NAV2: variants seen among roughly 807,000 people sequenced by gnomAD.
NAV2 encodes the protein helicase, APC down-regulated 1.
In NAV2, 54 loss-of-function variants were observed where a neutral mutation model predicts 223.2. The observed-to-expected ratio is 0.24, with a 90% CI of 0.19 to 0.30. The LOEUF is 0.30. Among genes scored for constraint, NAV2 ranks in the 10% least tolerant of loss-of-function variants. The pLI is 1.00. For missense variants in NAV2, 2,806 were observed against 3,147.5 expected, an observed-to-expected ratio of 0.89 and a Z score of 2.60; for synonymous variants, 1,279 against 1,239.3, an observed-to-expected ratio of 1.03 and a Z score of -0.67.
At position 20,093,208 on chromosome 11, in the gene NAV2, G is replaced by T. The variant is rs777976590; in HGVS notation, c.5916+9G>T. ...AAATGAAGTGGAAGGAGGTTAGTTG[G>T]ATCCCTTTCCCTGCTTTGCCTGTCC... On this transcript the variant is annotated intron_variant, in intron 29 of 37. Coordinates refer to ENST00000349880, the MANE Select transcript of NAV2 (RefSeq NM_145117.5). 1 of 1,591,734 alleles carries T rather than the reference G, an allele frequency of 6.3e-7. No homozygotes were observed.
intron 1 of NAV2, among the ~76,000 whole-genome samples, chr11:19,486,482 C>T (rs1046027783): frequency 2.3e-4 from 35 of 152,088 alleles, no homozygotes; most frequent in African/African-American, 7.5e-4. Flanking sequence ...ATCACGGGGG[C>T]GGTTACTCTC....
chr11:19,952,033 C>T (rs1210431211), intron 10 of NAV2, among the ~76,000 whole-genome samples: 1 of 152,194 alleles, frequency 6.6e-6, no homozygotes, highest in African/African-American at 2.4e-5. Context: ...AGCATGTATC[C>T]ACTCTGTGGA....
intron 1 of NAV2, among the ~76,000 whole-genome samples, chr11:19,732,272 A>G (rs1252604622): frequency 6.6e-6 from 1 of 151,808 alleles, no homozygotes; most frequent in African/African-American, 2.4e-5. Context: ...AAAAAAAAAA[A>G]AAGAGTATGG....
At chr11:19,814,444 A>G (rs1235989848) in intron 1 of NAV2, among the ~76,000 whole-genome samples, 1 of 152,150 alleles carries the variant, frequency 6.6e-6, no homozygotes, top group African/African-American at 2.4e-5. Context: ...ATCTGTACCC[A>G]TGGCTTTCCA....
At chr11:20,092,405 C>T (rs2060913298) in intron 28 of NAV2, 37 bp downstream of exon 28, 2 of 1,581,624 alleles carry the variant, frequency 1.3e-6, no homozygotes, top group Non-Finnish European at 1.7e-6. Flanking sequence ...AGGAATGGAC[C>T]TACAGCTGGC....
intron 1 of NAV2, among the ~76,000 whole-genome samples, chr11:19,585,056 G>T (rs886839166): frequency 1.3e-5 from 2 of 152,088 alleles, no homozygotes; most frequent in Admixed American, 6.6e-5. Flanking sequence ...CATGAATCTG[G>T]GTGCTCCTAT....
At chr11:19,505,104 T>G (rs2043083914) in intron 1 of NAV2, 1 of 152,252 alleles carries the variant, frequency 6.6e-6, no homozygotes. Context: ...CTGTCACAAA[T>G]GGCAAAAGCA....
intron 1 of NAV2, among the ~76,000 whole-genome samples, chr11:19,678,175 T>C (rs1434395606): frequency 1.3e-5 from 2 of 152,152 alleles, no homozygotes; most frequent in Non-Finnish European, 2.9e-5. Flanking sequence ...ATAATAAGGA[T>C]GATAAGAAGA....
At chr11:19,412,451 C>T (rs1850185557) in intron 1 of NAV2, among the ~76,000 whole-genome samples, 1 of 152,198 alleles carries the variant, frequency 6.6e-6, no homozygotes, top group Non-Finnish European at 1.5e-5. Context: ...ACTCCCATCT[C>T]CCTGGGACAG....
intron 32 of NAV2, among the ~76,000 whole-genome samples, chr11:20,102,141 C>T (rs1220480926): frequency 6.6e-6 from 1 of 152,130 alleles, no homozygotes; most frequent in Non-Finnish European, 1.5e-5. Flanking sequence ...TAGGGAACTT[C>T]TCCTGGGACC....
intron 1 of NAV2, among the ~76,000 whole-genome samples, chr11:19,743,396 G>T (rs1307445239): frequency 6.6e-6 from 1 of 152,192 alleles, no homozygotes; most frequent in Non-Finnish European, 1.5e-5. Context: ...CTCCCTCTTT[G>T]CTGGCCCAGG....
chr11:19,615,494 C>T (rs2046765218), intron 1 of NAV2, among the ~76,000 whole-genome samples: 2 of 151,674 alleles, frequency 1.3e-5, no homozygotes. Flanking sequence ...AAATGCATTT[C>T]GTATATGTAT....
intron 1 of NAV2, among the ~76,000 whole-genome samples, chr11:19,452,309 T>A (rs888100416): frequency 2.6e-5 from 4 of 152,196 alleles, no homozygotes; most frequent in African/African-American, 9.7e-5. Flanking sequence ...AGGTATCATG[T>A]TGGGCCCTGA....
intron 11 of NAV2, among the ~76,000 whole-genome samples, chr11:19,993,480 T>C (rs2051544660): frequency 6.6e-6 from 1 of 152,220 alleles, no homozygotes; most frequent in Non-Finnish European, 1.5e-5. Context: ...AGTTATACCA[T>C]ATGCCTGCAA....
chr11:19,443,550 A>C (rs1449188473), intron 1 of NAV2, among the ~76,000 whole-genome samples: 1 of 152,202 alleles, frequency 6.6e-6, no homozygotes, highest in Non-Finnish European at 1.5e-5. Flanking sequence ...GTGGTAAAGC[A>C]GTGGCCAGCA....
intron 1 of NAV2, among the ~76,000 whole-genome samples, chr11:19,518,778 C>T (rs529617353): frequency 1.7e-4 from 26 of 152,280 alleles, no homozygotes; most frequent in Middle Eastern, 3.4e-3. Context: ...TTGCCCTGGA[C>T]GGGGTGTTTG....
At chr11:19,929,644 A>C (rs970371360) in intron 6 of NAV2, among the ~76,000 whole-genome samples, 2 of 152,110 alleles carry the variant, frequency 1.3e-5, no homozygotes, top group Non-Finnish European at 2.9e-5. Context: ...TTTGAGTTTT[A>C]ATCTGAATTT....
intron 1 of NAV2, among the ~76,000 whole-genome samples, chr11:19,485,463 C>T (rs2042411772): frequency 6.6e-6 from 1 of 152,138 alleles, no homozygotes; most frequent in African/African-American, 2.4e-5. Context: ...ACACACAGGG[C>T]TTGACTGAGG....
Position 20,048,989 on chromosome 11 carries a change from C to T in NAV2, c.4164C>T (p.Ala1388=). Residue 1388 remains alanine (A), a synonymous_variant, in exon 15 of 38, where the codon GCC becomes GCT. Transcript: ENST00000349880. ...PSNSLTWGTN[A]SSSSAVSKDG... ...ACAGCCTCACCTGGGGCACCAACGC[C>T]AGCAGCTCCTCCGCAGTTAGCAAGG... 1.2e-6 allele frequency: 2 copies of T among 1,614,178 alleles called. No homozygotes were observed. Among genetic ancestry groups the T allele is most frequent in the Non-Finnish European group, 1.7e-6 (2 of 1,180,026 alleles).
Sources: allele counts gnomAD v4.1 joint callset (sites outside exome capture counted in the v4.1 genomes callset), GRCh38; gene constraint gnomAD v4.1.1; transcripts MANE v1.5; gene names NCBI Gene and HGNC (gene_info 2026-07-23, HGNC 2026-07-21).